APOH: variants seen among roughly 807,000 people sequenced by gnomAD.
APOH encodes the protein beta-2-glycoprotein 1.
Under a neutral mutation model 39.8 loss-of-function variants are expected in APOH, and 48 were observed. The ratio of observed to expected loss-of-function variants is 1.21; its 90% CI spans 0.96 to 1.54. The LOEUF (loss-of-function observed/expected upper bound fraction) is 1.54. APOH is among the 40% of genes most tolerant of loss of function. The pLI, the probability that APOH is intolerant of heterozygous loss-of-function variation, is 0.00. For missense variants in APOH, 415 were observed against 421.2 expected (o/e 0.99, Z 0.13); for synonymous variants, 153 against 151.1 (o/e 1.01, Z -0.09).
intron 2 of APOH, 70 bp from the exon 3 acceptor site, chr17:66,226,194 T>C: frequency 1.8e-6 from 2 of 1,095,406 alleles, no homozygotes; most frequent in East Asian, 2.6e-5. Flanking sequence ...TAAATTTCTA[T>C]TTATAGAATT....
chr17:66,227,660 T>C (rs554234755), intron 2 of APOH, among the ~76,000 whole-genome samples: 2 of 152,324 alleles, frequency 1.3e-5, no homozygotes, highest in East Asian at 3.9e-4. Flanking sequence ...TCCAAAGATA[T>C]GATGATTCCC....
chr17:66,224,496 A>AAAG (rs2073423060), intron 3 of APOH, among the ~76,000 whole-genome samples: 1 of 142,822 alleles, frequency 7.0e-6, no homozygotes, highest in African/African-American at 2.6e-5. Context: ...AAAAAAGAAA[A>AAAG]GAAAAGAAGG....
chr17:66,216,779 T>C lies in APOH; in HGVS notation c.784+9A>G. ...GAGATCTTACAGGACCTCGCCTATA[T>C]TTCCATACCTTTACAACTTGGCATG... On this transcript the variant is annotated intron_variant, in intron 6 of 7. Transcript: ENST00000205948. 6.4e-7 allele frequency: 1 copy of C among 1,570,896 alleles called. No homozygotes were observed. The highest frequency in any genetic ancestry group is 8.6e-7 in the Non-Finnish European group (1 of 1,160,626).
chr17:66,226,907 G>C (rs1013484863), intron 2 of APOH, among the ~76,000 whole-genome samples: 1 of 120,594 alleles, frequency 8.3e-6, no homozygotes, highest in African/African-American at 3.2e-5. Context: ...TTTTTTTTTT[G>C]AGACAGAGTC....
Position 66,214,528 on chromosome 17 carries a change from T to G in APOH, c.907A>C (p.Lys303Gln), listed in dbSNP as rs774856537. ...GDKVSFFCKN[K>Q]EKKCSYTEDA... Reference sequence around the variant, plus strand: ...TCTGTATAGCTACACTTCTTTTCCTTATTTTTGCAGAAGAAAGAAACTTTA... The same window carrying G: ...TCTGTATAGCTACACTTCTTTTCCTGATTTTTGCAGAAGAAAGAAACTTTA... The change falls in exon 7 of 8, where the codon AAG becomes CAG. Residue 303 changes from lysine (K) to glutamine (Q), a missense_variant. Transcript: ENST00000205948. 7 of 1,614,182 alleles carry G rather than the reference T, an allele frequency of 4.3e-6. No homozygotes were observed. Among genetic ancestry groups the G allele is most frequent in the Non-Finnish European group, 5.9e-6 (7 of 1,180,030 alleles).
chr17:66,228,488 C>T (rs2073453211), intron 1 of APOH: 1 of 296,954 alleles, frequency 3.4e-6, no homozygotes, highest in South Asian at 5.1e-5. Flanking sequence ...TCCAGTCCCT[C>T]CAGCATCCAC....
Position 66,216,934 on chromosome 17 carries a change from T to TTG in APOH, c.636_637dup (p.Asn213ThrfsTer5). 3 of 1,605,976 alleles carry TTG rather than the reference T, an allele frequency of 1.9e-6. No individual in the cohort carries two copies. Among genetic ancestry groups the TTG allele is most frequent in the Non-Finnish European group, 2.5e-6 (3 of 1,177,338 alleles). ...TTTTGCAGGATAGTTCACAAATCCA[T>TTG]TGTCTGGTCTTGATGGGAATGGGCA... On this transcript the variant is annotated frameshift_variant, in exon 6 of 8. Transcript: ENST00000205948. LOFTEE classifies it high-confidence loss of function.
chr17:66,226,621 CAA>C (rs60139772), intron 2 of APOH, among the ~76,000 whole-genome samples: 5 of 133,812 alleles, frequency 3.7e-5, no homozygotes, highest in Admixed American at 7.5e-5. Context: ...ACTCCGTCTC[CAA>C]AAAAAAAAAA....
chr17:66,228,210 C>A lies in APOH; in HGVS notation c.65-14G>T, dbSNP rs748495011. The A allele has an allele frequency of 1.9e-6, 3 of 1,606,526 alleles. No homozygotes were observed. Among genetic ancestry groups the A allele is most frequent in the African/African-American group, 2.7e-5 (2 of 74,700 alleles). On this transcript the variant is annotated splice_polypyrimidine_tract_variant and intron_variant, in intron 1 of 7. Coordinates refer to ENST00000205948, the MANE Select transcript of APOH (RefSeq NM_000042.3). ...GCTTGGGACAGGCTGAAAGAGGGCACAAAGCAGATGGTTAACAAATCTCTA... is the reference window on the plus strand; with the variant it reads ...GCTTGGGACAGGCTGAAAGAGGGCAAAAAGCAGATGGTTAACAAATCTCTA...
chr17:66,225,218 T>C (rs1372729886), intron 3 of APOH, among the ~76,000 whole-genome samples: 1 of 152,214 alleles, frequency 6.6e-6, no homozygotes, highest in African/African-American at 2.4e-5. Context: ...CCAATCCCAG[T>C]AGAAACTTAC....
At chr17:66,225,911 C>A in intron 3 of APOH, 117 bp downstream of exon 3, 1 of 615,752 alleles carries the variant, frequency 1.6e-6, no homozygotes, top group South Asian at 2.9e-5. Context: ...AATCGATTTG[C>A]ATTTGAAAGT....
intron 1 of APOH, 133 bp downstream of exon 1, chr17:66,229,183 T>G: frequency 1.7e-6 from 1 of 596,440 alleles, no homozygotes; most frequent in Non-Finnish European, 2.9e-6. Flanking sequence ...GTGATCCACC[T>G]GCCTTGGCCT....
At chr17:66,223,943 C>T (rs1478624883) in intron 3 of APOH, among the ~76,000 whole-genome samples, 169 bp from the exon 4 acceptor site, 3 of 152,162 alleles carry the variant, frequency 2.0e-5, no homozygotes, top group Admixed American at 1.3e-4. Flanking sequence ...ATGGAGCCTC[C>T]CAACCAATGA....
At chr17:66,214,729 T>C in intron 6 of APOH, 79 bp from the exon 7 acceptor site, 3 of 1,239,918 alleles carry the variant, frequency 2.4e-6, no homozygotes, top group South Asian at 1.3e-5. Context: ...TTTGAAACAG[T>C]AGATGAGTAC....
intron 3 of APOH, among the ~76,000 whole-genome samples, chr17:66,225,127 T>C (rs2073432050): frequency 6.6e-6 from 1 of 152,104 alleles, no homozygotes; most frequent in East Asian, 1.9e-4. Context: ...CTTAAGGTCA[T>C]TTGTTACCAG....
rs1408564334 is a variant in APOH at position 66,216,820 on chromosome 17, A to C, written c.752T>G (p.Leu251Arg). 2 of 1,606,796 alleles carry C rather than the reference A, an allele frequency of 1.2e-6. No individual in the cohort carries two copies. Among genetic ancestry groups the C allele is most frequent in the Admixed American group, 1.7e-5 (1 of 58,604 alleles). The change falls in exon 6 of 8, where the codon CTG (leucine) becomes CGG (arginine). Residue 251 changes from leucine to arginine, a missense_variant. Leu to Arg is a moderately radical substitution (Grantham distance 102). This residue lies in a region of APOH where 120 missense variants were observed against 110.6 expected (regional missense o/e 1.08). Transcript: ENST00000205948. ...ACTTGGCATGGCAGACCAGTTTCCC[A>C]GTTTGGTACATTCTATTTCTTCCGG... Reference protein sequence around the residue: ...DGPEEIECTKLGNWSAMPSCK... With the variant: ...DGPEEIECTKRGNWSAMPSCK...
chr17:66,223,228 G>T (rs1037320255), intron 4 of APOH, among the ~76,000 whole-genome samples: 5 of 152,228 alleles, frequency 3.3e-5, no homozygotes, highest in African/African-American at 4.8e-5. Context: ...GTGCTAACAA[G>T]AGGATCCAGC....
Position 66,229,318 on chromosome 17 carries a change from C to G in APOH, c.62G>C (p.Arg21Pro), listed in dbSNP as rs149659675. The change falls in exon 1 of 8, where the codon CGG (arginine) becomes CCG (proline). Residue 21 changes from arginine (R) to proline (P), a missense_variant and splice_region_variant. By Grantham distance (103) the Arg-to-Pro change is moderately radical. Around this residue, in one of 3 missense-constraint regions of APOH, gnomAD observed 288 missense variants for 284.9 expected, o/e 1.01. Transcript: ENST00000205948. Reference sequence around the variant, plus strand: ...TTTCAAAAGCAAAAAGTACTTACTCCGTCCTGCAATAGCAACATGGCAGAG... The same window carrying G: ...TTTCAAAAGCAAAAAGTACTTACTCGGTCCTGCAATAGCAACATGGCAGAG... Reference protein sequence around the residue: ...SFLCHVAIAGRTCPKPDDLPF... With the variant: ...SFLCHVAIAGPTCPKPDDLPF... 2.2e-5 allele frequency: 36 copies of G among 1,612,700 alleles called. No homozygotes were observed. The highest frequency in any genetic ancestry group is 2.4e-5 in the Non-Finnish European group (28 of 1,179,198).
chr17:66,214,349 G>A (rs8178860), intron 7 of APOH, 104 bp downstream of exon 7: 20 of 1,120,530 alleles, frequency 1.8e-5, no homozygotes, highest in African/African-American at 3.1e-5. Context: ...GTGACCCACC[G>A]CACCTGGCCT....
Sources: allele counts gnomAD v4.1 joint callset (sites outside exome capture counted in the v4.1 genomes callset), GRCh38; gene constraint gnomAD v4.1.1; regional missense constraint gnomAD v4.1.1; transcripts MANE v1.5; gene names NCBI Gene and HGNC (gene_info 2026-07-23, HGNC 2026-07-21).